Variants in SLC9A2 observed in about 807,000 individuals in gnomAD.
SLC9A2 encodes solute carrier family 9 member A2.
SLC9A2 carries 42 observed loss-of-function variants against 71.7 expected under a neutral mutation model. The ratio of observed to expected loss-of-function variants is 0.59; its 90% CI spans 0.46 to 0.76. The LOEUF (loss-of-function observed/expected upper bound fraction) is 0.76, where lower values mean the gene tolerates loss of function less well. Among genes scored for constraint, SLC9A2 ranks in the 30% least tolerant of loss-of-function variants. The pLI, the probability that SLC9A2 is intolerant of heterozygous loss-of-function variation, is 0.00. For synonymous variants in SLC9A2, 396 were observed against 392.5 expected (o/e 1.01, Z -0.10); for missense variants, 829 against 1,017.4 (o/e 0.81, Z 2.52).
At chr2:102,694,749 C>A (rs1469576910) in intron 6 of SLC9A2, among the ~76,000 whole-genome samples, 4 of 152,094 alleles carry the variant, frequency 2.6e-5, no homozygotes, top group Non-Finnish European at 5.9e-5. Flanking sequence ...CTTCTTACTT[C>A]CTTTAGCCTG....
At chr2:102,660,177 T>G (rs1239490828) in intron 2 of SLC9A2, among the ~76,000 whole-genome samples, 1 of 152,142 alleles carries the variant, frequency 6.6e-6, no homozygotes, top group African/African-American at 2.4e-5. Flanking sequence ...GAGGCACAAC[T>G]GTGGTTTTAT....
In SLC9A2 at chr2:102,683,232, T is replaced by A. The variant is rs1304240367; in HGVS notation, c.1005-29T>A. ...ATTCTGATTAAGATCATTGTTAGGTTTCAATAGAAGCTGAATCTTCCCTTT... is the reference window on the plus strand; with the variant it reads ...ATTCTGATTAAGATCATTGTTAGGTATCAATAGAAGCTGAATCTTCCCTTT... On this transcript the variant is annotated intron_variant, in intron 3 of 11. Coordinates refer to ENST00000233969, the MANE Select transcript of SLC9A2 (RefSeq NM_003048.6). 3 of 1,512,446 alleles carry A rather than the reference T, an allele frequency of 2.0e-6. No homozygotes were observed. In the East Asian group the frequency reaches 6.7e-5, roughly 34 times the overall value. 93.7% of individuals were successfully genotyped at this position (1,512,446 alleles called of 1,614,324 possible).
chr2:102,642,711 G>GT (rs1676633223), intron 1 of SLC9A2, among the ~76,000 whole-genome samples: 1 of 152,124 alleles, frequency 6.6e-6, no homozygotes, highest in African/African-American at 2.4e-5. Flanking sequence ...CTCCTCTTCT[G>GT]TTTTTTGGAA....
At chr2:102,687,293 C>A (rs535044317) in intron 5 of SLC9A2, among the ~76,000 whole-genome samples, 1 of 152,168 alleles carries the variant, frequency 6.6e-6, no homozygotes, top group African/African-American at 2.4e-5. Context: ...AACACACACA[C>A]GTGCACAAGC....
At chr2:102,641,609 T>C (rs983965420) in intron 1 of SLC9A2, among the ~76,000 whole-genome samples, 1 of 151,908 alleles carries the variant, frequency 6.6e-6, no homozygotes, top group African/African-American at 2.4e-5. Flanking sequence ...TGCCATGTAA[T>C]TGTGTTGAAA....
At chr2:102,632,168 A>G (rs1401198476) in intron 1 of SLC9A2, among the ~76,000 whole-genome samples, 4 of 130,906 alleles carry the variant, frequency 3.1e-5, no homozygotes, top group East Asian at 2.1e-4. Context: ...ATATATACAC[A>G]TATATATACA....
chr2:102,675,610 A>T (rs1380693198), intron 3 of SLC9A2, among the ~76,000 whole-genome samples: 2 of 152,088 alleles, frequency 1.3e-5, no homozygotes, highest in African/African-American at 4.8e-5. Context: ...GTGCCTAGGT[A>T]GAGACTCAGA....
At chr2:102,648,293 C>T (rs993038784) in intron 1 of SLC9A2, among the ~76,000 whole-genome samples, 21 of 152,032 alleles carry the variant, frequency 1.4e-4, no homozygotes, top group Non-Finnish European at 8.8e-5. Flanking sequence ...AATTCAACAC[C>T]CCTTCATGCC....
At chr2:102,620,330 G>T (rs7602695) in intron 1 of SLC9A2, among the ~76,000 whole-genome samples, 193 bp downstream of exon 1, 22,068 of 152,118 alleles carry the variant, frequency 0.15, 3,373 homozygotes, top group African/African-American at 0.39. Flanking sequence ...GGTTCTTAAG[G>T]GAACATTGGC....
At chr2:102,639,807 G>T (rs1032849759) in intron 1 of SLC9A2, among the ~76,000 whole-genome samples, 1 of 152,056 alleles carries the variant, frequency 6.6e-6, no homozygotes, top group African/African-American at 2.4e-5. Flanking sequence ...TACAGTATTT[G>T]TTCTTCTATG....
chr2:102,658,496 T>C (rs757404874), intron 2 of SLC9A2, among the ~76,000 whole-genome samples: 3 of 151,922 alleles, frequency 2.0e-5, no homozygotes, highest in Non-Finnish European at 4.4e-5. Context: ...TGATAATACC[T>C]GCTAAGTGCC....
chr2:102,705,987 T>G, intron 11 of SLC9A2, 51 bp downstream of exon 11: 1 of 1,091,370 alleles, frequency 9.2e-7, no homozygotes, highest in Non-Finnish European at 1.4e-6. Flanking sequence ...TGCCAATGTT[T>G]ATAAACTAGA....
chr2:102,633,634 A>C (rs934225861), intron 1 of SLC9A2, among the ~76,000 whole-genome samples: 2 of 152,180 alleles, frequency 1.3e-5, no homozygotes, highest in Non-Finnish European at 2.9e-5. Context: ...GTAGGACACA[A>C]AGAGCTAAGG....
intron 8 of SLC9A2, among the ~76,000 whole-genome samples, chr2:102,702,087 T>G (rs1034611896): frequency 2.6e-5 from 4 of 152,236 alleles, no homozygotes; most frequent in African/African-American, 9.6e-5. Flanking sequence ...TGGAGAAAAC[T>G]ATTCTATTTT....
rs180772651 is a variant in SLC9A2, at chr2:102,670,131, C to T, written c.1004+4781C>T. Among the ~76,000 whole-genome samples, 1,173 of 151,580 alleles carry T rather than the reference C, an allele frequency of 7.7e-3. 10 individuals are homozygous for T. Among genetic ancestry groups the T allele is most frequent in the African/African-American group, 0.017 (705 of 41,326 alleles). On this transcript the variant is annotated intron_variant, in intron 3 of 11. Coordinates refer to ENST00000233969, the MANE Select transcript of SLC9A2 (RefSeq NM_003048.6). ...ACTGCAAGCTCACCTCCCAGGTTCACGCCATTCTCCTGCCTTAGCCTCCCG... is the reference window on the plus strand; with the variant it reads ...ACTGCAAGCTCACCTCCCAGGTTCATGCCATTCTCCTGCCTTAGCCTCCCG...
chr2:102,634,253 G>A (rs939288583), intron 1 of SLC9A2, among the ~76,000 whole-genome samples: 4 of 152,198 alleles, frequency 2.6e-5, no homozygotes, highest in South Asian at 2.1e-4. Flanking sequence ...CATTTGGATG[G>A]TAATTGATTT....
At chr2:102,671,945 A>T (rs1314524184) in intron 3 of SLC9A2, among the ~76,000 whole-genome samples, 1 of 152,064 alleles carries the variant, frequency 6.6e-6, no homozygotes, top group African/African-American at 2.4e-5. Flanking sequence ...ATCTCTACTA[A>T]AAATACAAAA....
chr2:102,692,363 G>C (rs1304261673), intron 5 of SLC9A2, among the ~76,000 whole-genome samples: 1 of 152,172 alleles, frequency 6.6e-6, no homozygotes, highest in Non-Finnish European at 1.5e-5. Context: ...CAGTCAGTTT[G>C]CATTATCAAA....
intron 1 of SLC9A2, among the ~76,000 whole-genome samples, chr2:102,639,177 C>T (rs546328438): frequency 4.6e-5 from 7 of 152,264 alleles, no homozygotes; most frequent in African/African-American, 1.7e-4. Flanking sequence ...GAATGAAACC[C>T]TGTCTAAAAA....
Sources: gnomAD v4.1 joint callset for allele counts (sites outside exome capture counted in the v4.1 genomes callset) on GRCh38, gnomAD v4.1.1 for gene constraint, MANE v1.5 for transcripts, NCBI Gene and HGNC (gene_info 2026-07-23, HGNC 2026-07-21) for gene names.